The following PAPPA2 variants were observed in gnomAD, a reference collection of about 807,000 sequenced individuals.
PAPPA2 encodes pappalysin 2, also known as pappalysin-2.
In PAPPA2, 86 loss-of-function variants were observed where a neutral mutation model predicts 176.4. The ratio of observed to expected loss-of-function variants is 0.49; its 90% confidence interval spans 0.41 to 0.58. PAPPA2 has a LOEUF of 0.58. Ranked by LOEUF, PAPPA2 falls within the 20% of genes least tolerant of loss-of-function variation. The pLI is 0.00. For synonymous variants in PAPPA2, 809 were observed against 852.2 expected (o/e 0.95, Z 0.88); for missense variants, 2,073 against 2,256.9 (o/e 0.92, Z 1.65).
rs758802134 is a variant in PAPPA2 at position 176,791,407 on chromosome 1, C to A, written c.4945C>A (p.Leu1649Met). The A allele has an allele frequency of 6.2e-7, 1 of 1,612,782 alleles. No individual in the cohort carries two copies. Among genetic ancestry groups the A allele is most frequent in the Non-Finnish European group, 8.5e-7 (1 of 1,178,922 alleles). Reference protein sequence around the residue: ...WTQEFKLCENLQGECPPPPSE... With the variant: ...WTQEFKLCENMQGECPPPPSE... ...CCAGGAGTTTAAGTTGTGTGAGAAT[C>A]TGCAAGGAGAATGCCCACCACCCCC... is the stretch of plus-strand genomic sequence containing the variant. Residue 1649 changes from leucine (L) to methionine (M), a missense_variant, in exon 19 of 23, where the codon CTG becomes ATG. Leu to Met is a conservative substitution (Grantham distance 15). This residue lies in a region of PAPPA2 where 846 missense variants were observed against 857.9 expected (regional missense o/e 0.99). Coordinates refer to ENST00000367662, the MANE Select transcript of PAPPA2 (RefSeq NM_020318.3).
chr1:176,601,579 G>C (rs1275952421), intron 3 of PAPPA2, among the ~76,000 whole-genome samples: 1 of 152,200 alleles, frequency 6.6e-6, no homozygotes, highest in South Asian at 2.1e-4. Flanking sequence ...GACTTACCAA[G>C]ATAAAGGAAC....
intron 3 of PAPPA2, among the ~76,000 whole-genome samples, chr1:176,641,182 C>T (rs1425147440): frequency 2.6e-5 from 4 of 151,686 alleles, no homozygotes; most frequent in South Asian, 2.1e-4. Context: ...TGTGCAGAAG[C>T]TCTTTAGTTT....
At chr1:176,651,410 T>C (rs1657717338) in intron 3 of PAPPA2, among the ~76,000 whole-genome samples, 1 of 151,630 alleles carries the variant, frequency 6.6e-6, no homozygotes. Context: ...TATACTTGAA[T>C]GGCAGTATTT....
intron 12 of PAPPA2, among the ~76,000 whole-genome samples, chr1:176,723,486 T>C (rs1328449078): frequency 2.0e-5 from 3 of 152,132 alleles, no homozygotes; most frequent in Non-Finnish European, 4.4e-5. Flanking sequence ...TAGGTTTTTT[T>C]TTTTAAACCT....
chr1:176,564,779 AC>A (rs1257461358), intron 2 of PAPPA2, among the ~76,000 whole-genome samples: 3 of 145,082 alleles, frequency 2.1e-5, no homozygotes, highest in Non-Finnish European at 4.5e-5. Flanking sequence ...CTTAAAGTTC[AC>A]GTGTTTAAAG....
chr1:176,580,046 TATATC>T (rs1470868273), intron 2 of PAPPA2, among the ~76,000 whole-genome samples: 1 of 152,184 alleles, frequency 6.6e-6, no homozygotes, highest in Non-Finnish European at 1.5e-5. Context: ...TATTAAAAAA[TATATC>T]ATATATTATT....
chr1:176,753,864 C>T (rs1558562536), intron 14 of PAPPA2, among the ~76,000 whole-genome samples: 3 of 152,100 alleles, frequency 2.0e-5, no homozygotes, highest in African/African-American at 7.2e-5. Flanking sequence ...TCTTGCCCAA[C>T]TTCCTTTTCC....
intron 2 of PAPPA2, among the ~76,000 whole-genome samples, chr1:176,587,972 G>T (rs1653424243): frequency 6.6e-6 from 1 of 152,186 alleles, no homozygotes; most frequent in African/African-American, 2.4e-5. Context: ...TTTGATGGGA[G>T]TAGCATTGAA....
At chr1:176,666,561 ATGTGTGTGTGTGTGTGTGTGTG>A (rs139660279) in intron 3 of PAPPA2, among the ~76,000 whole-genome samples, 3 of 109,456 alleles carry the variant, frequency 2.7e-5, no homozygotes, top group African/African-American at 7.5e-5. Flanking sequence ...GTAAATATAT[ATGTGTGTGTGTGTGTGTGTGTG>A]TGTGTGTGTG....
chr1:176,552,982 G>C (rs1449976263), intron 1 of PAPPA2, among the ~76,000 whole-genome samples: 1 of 152,120 alleles, frequency 6.6e-6, no homozygotes, highest in Admixed American at 6.5e-5. Flanking sequence ...AATAGCAACA[G>C]AATTTATGTC....
At chr1:176,536,509 G>A (rs1009312093) in intron 1 of PAPPA2, among the ~76,000 whole-genome samples, 1 of 152,158 alleles carries the variant, frequency 6.6e-6, no homozygotes, top group African/African-American at 2.4e-5. Context: ...TGCTTCCAAG[G>A]TTGGCTGCAG....
chr1:176,512,252 A>G (rs1159189818), intron 1 of PAPPA2, among the ~76,000 whole-genome samples: 2 of 150,062 alleles, frequency 1.3e-5, no homozygotes, highest in African/African-American at 4.9e-5. Flanking sequence ...AGACCACATT[A>G]AGTGTTGGCA....
chr1:176,681,139 A>G (rs1659568393), intron 4 of PAPPA2, among the ~76,000 whole-genome samples: 1 of 152,180 alleles, frequency 6.6e-6, no homozygotes, highest in African/African-American at 2.4e-5. Context: ...GAGAGTTTTG[A>G]GAAAGTCCCC....
intron 2 of PAPPA2, among the ~76,000 whole-genome samples, chr1:176,584,247 A>G (rs1276093596): frequency 6.6e-6 from 1 of 152,136 alleles, no homozygotes; most frequent in Non-Finnish European, 1.5e-5. Flanking sequence ...TCTGTCCAAT[A>G]CTGAGAATGG....
At chr1:176,696,724 T>C (rs188542381) in intron 7 of PAPPA2, among the ~76,000 whole-genome samples, 28 of 152,336 alleles carry the variant, frequency 1.8e-4, no homozygotes, top group Admixed American at 1.2e-3. Context: ...CTTTAAAATA[T>C]TTATTAAGAC....
intron 1 of PAPPA2, among the ~76,000 whole-genome samples, chr1:176,486,823 A>T (rs778916999): frequency 6.6e-6 from 1 of 152,154 alleles, no homozygotes; most frequent in Non-Finnish European, 1.5e-5. Context: ...GAAGTTCAGG[A>T]GGTCTTGGAG....
rs556889921 is a variant in PAPPA2 at position 176,771,779 on chromosome 1, A to C, written c.4715+599A>C. 2.0e-5 allele frequency among the ~76,000 whole-genome samples: 3 copies of C among 152,320 alleles called. No individual in the cohort carries two copies. In the South Asian group the frequency reaches 6.2e-4, roughly 32 times the overall value. ...GTATGTGCACTCCTAGACCCATGGC[A>C]AGAAACACTTTTCCTCCAATGTCGT... On this transcript the variant is annotated intron_variant, in intron 17 of 22. Coordinates refer to ENST00000367662, the MANE Select transcript of PAPPA2 (RefSeq NM_020318.3).
chr1:176,699,727 G>A, intron 8 of PAPPA2, 138 bp downstream of exon 8: 1 of 1,381,128 alleles, frequency 7.2e-7, no homozygotes, highest in Non-Finnish European at 9.7e-7. Flanking sequence ...TTACCGTAAA[G>A]TGGCATATCT....
intron 3 of PAPPA2, among the ~76,000 whole-genome samples, chr1:176,663,272 T>A (rs1056654533): frequency 6.6e-6 from 1 of 152,190 alleles, no homozygotes; most frequent in Non-Finnish European, 1.5e-5. Flanking sequence ...AGGGCTTGAA[T>A]GTAAGTGTGC....
Sources: allele counts gnomAD v4.1 joint callset (sites outside exome capture counted in the v4.1 genomes callset), GRCh38; gene constraint gnomAD v4.1.1; regional missense constraint gnomAD v4.1.1; transcripts MANE v1.5; gene names NCBI Gene and HGNC (gene_info 2026-07-23, HGNC 2026-07-21).